The following ANKRD30B variants were observed in gnomAD, a reference collection of about 807,000 sequenced individuals.
The protein encoded by ANKRD30B is ankyrin repeat domain-containing protein 30B.
In ANKRD30B, 144 loss-of-function variants were observed where a neutral mutation model predicts 202.2. The observed-to-expected ratio is 0.71, with a 90% CI of 0.62 to 0.82. The LOEUF (loss-of-function observed/expected upper bound fraction) is 0.82. ANKRD30B is among the 40% of genes least tolerant of loss of function. ANKRD30B has a pLI of 0.00. For synonymous variants in ANKRD30B, 508 were observed against 561.3 expected (o/e 0.91, Z 1.34); for missense variants, 1,487 against 1,669.1 (o/e 0.89, Z 1.90).
intron 34 of ANKRD30B, among the ~76,000 whole-genome samples, chr18:14,834,099 A>G (rs1452855314): frequency 1.3e-5 from 2 of 152,176 alleles, no homozygotes; most frequent in Non-Finnish European, 2.9e-5. Context: ...GCCACACAGA[A>G]TAGAAACAAC....
At chr18:14,788,650 T>G (rs1436963943) in intron 15 of ANKRD30B, among the ~76,000 whole-genome samples, 1 of 151,632 alleles carries the variant, frequency 6.6e-6, no homozygotes, top group Non-Finnish European at 1.5e-5. Flanking sequence ...CGGTGTTTGG[T>G]TTTTTGTTGT....
chr18:14,840,122 A>G (rs1250470020), intron 36 of ANKRD30B, among the ~76,000 whole-genome samples: 2 of 152,228 alleles, frequency 1.3e-5, no homozygotes, highest in African/African-American at 4.8e-5. Context: ...TTCTCTTGAA[A>G]TGTTTTGGTT....
chr18:14,846,737 C>G (rs963664196), intron 39 of ANKRD30B, among the ~76,000 whole-genome samples: 7 of 152,110 alleles, frequency 4.6e-5, no homozygotes, highest in South Asian at 4.1e-4. Flanking sequence ...AATACAACCA[C>G]TCTTCCTCAG....
downstream of ANKRD30B, among the ~76,000 whole-genome samples, chr18:14,855,948 G>A (rs573138850): frequency 1.1e-3 from 169 of 150,240 alleles, no homozygotes; most frequent in African/African-American, 3.1e-3. Flanking sequence ...TGGCAGAGGC[G>A]CTCCTCACCT....
At chr18:14,753,735 C>T (rs1436507988) in intron 3 of ANKRD30B, among the ~76,000 whole-genome samples, 1 of 151,854 alleles carries the variant, frequency 6.6e-6, no homozygotes, top group African/African-American at 2.4e-5. Flanking sequence ...ATTAGAATGC[C>T]TTTAAGCCTT....
At position 14,811,368 on chromosome 18, in the gene ANKRD30B, C is replaced by T. The variant is rs539478344; in HGVS notation, c.2488+1188C>T. Among the ~76,000 whole-genome samples the T allele has an allele frequency of 1.6e-3, 244 of 151,008 alleles. 1 individual carries two copies. Among genetic ancestry groups the T allele is most frequent in the East Asian group, 0.015 (76 of 5,118 alleles). The stretch of plus-strand genomic sequence containing the variant: ...CTGGGAATCCAGGCGCCCACCACAA[C>T]GCCTGGCTCATTCTTTGTATTTTTA... On this transcript the variant is annotated intron_variant, in intron 28 of 43. Coordinates refer to ENST00000690538, the MANE Select transcript of ANKRD30B (RefSeq NM_001367607.2).
In ANKRD30B at chr18:14,791,598, G is replaced by T. The variant is rs115164731; in HGVS notation, c.1825+107G>T. 777 of 847,012 alleles carry T rather than the reference G, an allele frequency of 9.2e-4. 4 individuals are homozygous for T. The African/African-American group carries it at 0.011, about 12-fold the overall frequency. The allele number at this position is 847,012 out of a possible 1,614,324, so 52.5% of individuals were successfully genotyped here. The stretch of plus-strand genomic sequence containing the variant: ...AAGAAAATTACCTCCTTAATGCAAA[G>T]CACAGAAAAAAGAGAAGTGAAACGG... On this transcript the variant is annotated intron_variant, in intron 16 of 43. Transcript: ENST00000690538.
chr18:14,791,748 G>C (rs1045170740), intron 16 of ANKRD30B, among the ~76,000 whole-genome samples: 101 of 152,174 alleles, frequency 6.6e-4, no homozygotes, highest in Non-Finnish European at 1.6e-4. Context: ...AATAAGAAAG[G>C]AGAAAGTAGT....
At chr18:14,789,988 C>A (rs186146940) in intron 15 of ANKRD30B, among the ~76,000 whole-genome samples, 3 of 152,230 alleles carry the variant, frequency 2.0e-5, no homozygotes, top group Non-Finnish European at 4.4e-5. Flanking sequence ...GGCAGTATGG[C>A]CATTTTCATG....
At chr18:14,875,614 G>A in the ANKRD30B span, among the ~76,000 whole-genome samples, 8 of 152,172 alleles carry the variant, frequency 5.3e-5, no homozygotes, top group Non-Finnish European at 1.0e-4. Context: ...ACAGTTGGTG[G>A]CTTCTACCTT....
At chr18:14,810,268 T>A in intron 28 of ANKRD30B, 88 bp downstream of exon 28, 3 of 889,610 alleles carry the variant, frequency 3.4e-6, no homozygotes, top group Non-Finnish European at 4.8e-6. Context: ...AAAGTTGTTT[T>A]CTTTTGAAAA....
chr18:14,921,513 C>T, the ANKRD30B span, among the ~76,000 whole-genome samples: 5 of 152,160 alleles, frequency 3.3e-5, no homozygotes, highest in South Asian at 6.2e-4. Flanking sequence ...CTGTTTTCCT[C>T]ACACATACAC....
chr18:14,933,415 G>A, the ANKRD30B span, among the ~76,000 whole-genome samples: 1 of 152,196 alleles, frequency 6.6e-6, no homozygotes, highest in Non-Finnish European at 1.5e-5. Flanking sequence ...GGTGCCTTGG[G>A]TTCTGGGCCA....
downstream of ANKRD30B, among the ~76,000 whole-genome samples, chr18:14,855,078 G>A (rs1972042418): frequency 6.6e-6 from 1 of 152,004 alleles, no homozygotes; most frequent in Non-Finnish European, 1.5e-5. Context: ...TGTGTCCCTG[G>A]GTACTTGAGA....
the ANKRD30B span, among the ~76,000 whole-genome samples, chr18:14,860,631 T>C: frequency 1.3e-5 from 2 of 151,144 alleles, no homozygotes; most frequent in Non-Finnish European, 2.9e-5. Context: ...AACTGACTTA[T>C]CAGCAGAAAC....
the ANKRD30B span, among the ~76,000 whole-genome samples, chr18:14,870,304 G>A: frequency 6.6e-6 from 1 of 152,210 alleles, no homozygotes; most frequent in African/African-American, 2.4e-5. Flanking sequence ...TTTACAGTTT[G>A]CCTCAAATGG....
chr18:14,797,715 G>T (rs759921488), intron 19 of ANKRD30B, 26 bp downstream of exon 19: 2 of 1,608,292 alleles, frequency 1.2e-6, no homozygotes, highest in South Asian at 1.1e-5. Context: ...TCTCTATCTT[G>T]AATATTAACT....
intron 30 of ANKRD30B, chr18:14,817,064 A>G (rs1037487922): frequency 2.6e-5 from 4 of 152,186 alleles, no homozygotes; most frequent in African/African-American, 9.7e-5. Flanking sequence ...CTTAAAGTAT[A>G]ATATTAAAAT....
At chr18:14,758,705 C>T (rs925690919) in intron 5 of ANKRD30B, among the ~76,000 whole-genome samples, 3 of 152,142 alleles carry the variant, frequency 2.0e-5, no homozygotes, top group East Asian at 1.9e-4. Context: ...CATCTTAGCC[C>T]GGACTTGGCC....
Sources: allele counts gnomAD v4.1 joint callset (sites outside exome capture counted in the v4.1 genomes callset), GRCh38; gene constraint gnomAD v4.1.1; transcripts MANE v1.5; gene names NCBI Gene and HGNC (gene_info 2026-07-23, HGNC 2026-07-21).